IRAG2: variants seen among roughly 807,000 people sequenced by gnomAD.
IRAG2 encodes lymphoid restricted membrane protein.
A neutral mutation model predicts 69.9 loss-of-function variants in IRAG2; 45 were observed. The ratio of observed to expected loss-of-function variants is 0.64; its 90% CI spans 0.51 to 0.83. IRAG2 has a LOEUF of 0.83. Among genes scored for constraint, IRAG2 ranks in the 40% least tolerant of loss-of-function variants. The pLI, the probability that IRAG2 is intolerant of heterozygous loss-of-function variation, is 0.00. For synonymous variants in IRAG2, 193 were observed against 202.4 expected, an observed-to-expected ratio of 0.95 and a Z score of 0.40; for missense variants, 520 against 587.0, an observed-to-expected ratio of 0.89 and a Z score of 1.18.
chr12:25,041,591 T>C (rs1009984312), intron 16 of IRAG2, among the ~76,000 whole-genome samples: 4 of 151,754 alleles, frequency 2.6e-5, no homozygotes, highest in Admixed American at 2.0e-4. Flanking sequence ...AACCTCCACC[T>C]CCCGAGTTCA....
chr12:25,045,491 C>A (rs1452425501), intron 16 of IRAG2, among the ~76,000 whole-genome samples: 6 of 151,730 alleles, frequency 4.0e-5, no homozygotes, highest in African/African-American at 7.3e-5. Flanking sequence ...GACAAACAAA[C>A]CTTTAGCTAG....
chr12:25,033,646 ATGACCTCCT>A, intron 12 of IRAG2: 1 of 371,996 alleles, frequency 2.7e-6, no homozygotes, highest in Non-Finnish European at 4.8e-6. Flanking sequence ...GGCCTGGTGT[ATGACCTCCT>A]AGACTCACCA....
chr12:25,084,491 G>A (rs1236150928), intron 10 of IRAG2, among the ~76,000 whole-genome samples: 3 of 151,728 alleles, frequency 2.0e-5, no homozygotes, highest in Admixed American at 6.6e-5. Context: ...ATTCTTCAAG[G>A]GTCTTGCTTA....
intron 5 of IRAG2, among the ~76,000 whole-genome samples, chr12:25,016,755 G>GAAAA (rs34765422): frequency 0.055 from 7,270 of 132,426 alleles, 350 homozygotes; most frequent in African/African-American, 0.14. Context: ...CTCAAAAAAT[G>GAAAA]AAAAAAAAAA....
chr12:25,096,902 C>T lies in IRAG2; in HGVS notation c.607-8C>T. ...TAGATATCTTTTAATATGCTGTTTTCTATACAGTCTTTAACACCTCTGTGT... is the reference window on the plus strand; with the variant it reads ...TAGATATCTTTTAATATGCTGTTTTTTATACAGTCTTTAACACCTCTGTGT... On this transcript the variant is annotated splice_region_variant and splice_polypyrimidine_tract_variant and intron_variant, in intron 14 of 21. Transcript: ENST00000556887. The T allele has an allele frequency of 1.2e-6, 2 of 1,603,492 alleles. No individual in the cohort carries two copies. The highest frequency in any genetic ancestry group is 1.7e-6 in the Non-Finnish European group (2 of 1,176,584).
intron 6 of IRAG2, among the ~76,000 whole-genome samples, chr12:25,072,647 A>T (rs859140): frequency 6.6e-6 from 1 of 152,212 alleles, no homozygotes; most frequent in Non-Finnish European, 1.5e-5. Flanking sequence ...CCCAGTGGAC[A>T]CCCCAGACGA....
In IRAG2 at chr12:25,080,359, T is replaced by C. The variant is rs566113280; in HGVS notation, c.244+596T>C. On this transcript the variant is annotated intron_variant, in intron 9 of 21. Coordinates refer to ENST00000556887, the MANE Select transcript of IRAG2 (RefSeq NM_001366544.2). The stretch of plus-strand genomic sequence containing the variant: ...AATTCATTCTTTTTCTTTTATCTTT[T>C]TTTTTTTTTTGAGACGGAGTCTCGT... 2.0e-4 allele frequency among the ~76,000 whole-genome samples: 31 copies of C among 151,278 alleles called. No homozygotes were observed. The South Asian group carries it at 6.1e-3, about 30-fold the overall frequency.
At chr12:25,009,612 C>T (rs975903179) in intron 2 of IRAG2, among the ~76,000 whole-genome samples, 3 of 152,100 alleles carry the variant, frequency 2.0e-5, no homozygotes, top group Admixed American at 6.6e-5. Flanking sequence ...TTGGGTCATG[C>T]GATCATGGAG....
At chr12:25,088,368 A>G (rs1947790880) in intron 11 of IRAG2, among the ~76,000 whole-genome samples, 1 of 152,342 alleles carries the variant, frequency 6.6e-6, no homozygotes, top group Admixed American at 6.5e-5. Flanking sequence ...AAAACCTGTA[A>G]TAACTGGTGC....
intron 9 of IRAG2, among the ~76,000 whole-genome samples, chr12:25,083,139 T>C (rs925430075): frequency 2.0e-5 from 3 of 152,208 alleles, no homozygotes; most frequent in Non-Finnish European, 2.9e-5. Context: ...ATGTGTTCCA[T>C]TAAAAAAAGC....
At chr12:25,003,855 T>C (rs981825762), upstream of IRAG2, among the ~76,000 whole-genome samples, 1 of 152,188 alleles carries the variant, frequency 6.6e-6, no homozygotes, top group Non-Finnish European at 1.5e-5. Flanking sequence ...ACAATACCAA[T>C]GGTAGGTATT....
intron 16 of IRAG2, among the ~76,000 whole-genome samples, chr12:25,041,779 T>C (rs1944752389): frequency 6.6e-6 from 1 of 151,206 alleles, no homozygotes; most frequent in African/African-American, 2.4e-5. Context: ...AGTGCTGGGA[T>C]TACAGGTATG....
chr12:25,093,199 C>T (rs1948189992), intron 14 of IRAG2: 1 of 153,994 alleles, frequency 6.5e-6, no homozygotes, highest in Non-Finnish European at 1.5e-5. Flanking sequence ...TCCTTCCAGA[C>T]ACCAAATATG....
intron 15 of IRAG2, among the ~76,000 whole-genome samples, chr12:25,098,261 C>T (rs557044677): frequency 2.6e-5 from 4 of 152,194 alleles, no homozygotes; most frequent in Non-Finnish European, 5.9e-5. Context: ...AAACCTCAAG[C>T]GGGTCCTTGG....
chr12:25,107,802 G>C lies in IRAG2; in HGVS notation c.1257-15G>C, dbSNP rs1270139933. ...AATTACCGATTACCAAATTCTATTT[G>C]TGTTTTCCTTATAGTTATGACACAA... is the stretch of plus-strand genomic sequence containing the variant. On this transcript the variant is annotated splice_polypyrimidine_tract_variant and intron_variant, in intron 21 of 21. Coordinates refer to ENST00000556887, the MANE Select transcript of IRAG2 (RefSeq NM_001366544.2). 1.2e-6 allele frequency: 2 copies of C among 1,601,730 alleles called. No homozygotes were observed. Among genetic ancestry groups the C allele is most frequent in the South Asian group, 2.2e-5 (2 of 90,786 alleles).
chr12:25,094,956 T>C (rs1948325262), intron 14 of IRAG2, among the ~76,000 whole-genome samples: 1 of 152,216 alleles, frequency 6.6e-6, no homozygotes, highest in Non-Finnish European at 1.5e-5. Context: ...ATATTAGTTC[T>C]AACAGGTTTT....
intron 11 of IRAG2, among the ~76,000 whole-genome samples, chr12:25,088,367 A>G (rs1947790670): frequency 6.6e-6 from 1 of 152,224 alleles, no homozygotes; most frequent in South Asian, 2.1e-4. Flanking sequence ...GAAAACCTGT[A>G]ATAACTGGTG....
chr12:25,007,494 T>C lies in IRAG2; in HGVS notation c.688+2140T>C, dbSNP rs188991620. ...TCTGTGTTTCGCTTTCCATCTGTTTTTTGCATTTTGTTGTCTGTTAAAGAA... is the reference window on the plus strand; with the variant it reads ...TCTGTGTTTCGCTTTCCATCTGTTTCTTGCATTTTGTTGTCTGTTAAAGAA... On this transcript the variant is annotated intron_variant, in intron 2 of 38. Coordinates refer to the IRAG2 transcript ENST00000636465. 7.9e-5 allele frequency among the ~76,000 whole-genome samples: 12 copies of C among 152,304 alleles called. No individual in the cohort carries two copies. The East Asian group carries it at 1.7e-3, about 22-fold the overall frequency.
At chr12:25,013,943 C>T (rs180970732) in intron 3 of IRAG2, among the ~76,000 whole-genome samples, 3,053 of 126,744 alleles carry the variant, frequency 0.024, 43 homozygotes, top group East Asian at 0.1. Context: ...GGCGCAATCT[C>T]GGCTCACTGC....
Sources: allele counts gnomAD v4.1 joint callset (sites outside exome capture counted in the v4.1 genomes callset), GRCh38; gene constraint gnomAD v4.1.1; transcripts MANE v1.5; gene names NCBI Gene and HGNC (gene_info 2026-07-23, HGNC 2026-07-21).